FREM1: variants seen among roughly 807,000 people sequenced by gnomAD.
FREM1 encodes the protein FRAS1-related extracellular matrix protein 1.
A neutral mutation model predicts 210.1 loss-of-function variants in FREM1; 220 were observed. The ratio of observed to expected loss-of-function variants is 1.05; its 90% confidence interval spans 0.94 to 1.17. FREM1 has a LOEUF of 1.17. Among genes scored for constraint, FREM1 ranks in the 50% most tolerant of loss-of-function variants. The pLI is 0.00. For missense variants in FREM1, 3,454 were observed against 2,675.5 expected (o/e 1.29, Z -6.42); for synonymous variants, 1,189 against 980.2 (o/e 1.21, Z -3.98).
chr9:14,743,620 G>T (rs896411987), intron 35 of FREM1, among the ~76,000 whole-genome samples: 3 of 152,006 alleles, frequency 2.0e-5, no homozygotes, highest in Admixed American at 1.3e-4. Context: ...CCAGTTACTT[G>T]CATTGGCCTT....
intron 8 of FREM1, among the ~76,000 whole-genome samples, chr9:14,845,252 A>G (rs953888974): frequency 6.6e-6 from 1 of 152,200 alleles, no homozygotes; most frequent in African/African-American, 2.4e-5. Context: ...AACTACTACT[A>G]ATAACATAAC....
intron 27 of FREM1, among the ~76,000 whole-genome samples, chr9:14,763,825 AAGCAC>A (rs1482025181): frequency 1.3e-5 from 2 of 152,326 alleles, no homozygotes; most frequent in East Asian, 3.9e-4. Flanking sequence ...TGCTCCAAGG[AAGCAC>A]AGGTCTTTGG....
chr9:14,905,802 A>C (rs1320255707), intron 1 of FREM1, among the ~76,000 whole-genome samples: 1 of 152,168 alleles, frequency 6.6e-6, no homozygotes, highest in Non-Finnish European at 1.5e-5. Flanking sequence ...GAGGCAGGAG[A>C]ATGGCTTGAA....
intron 22 of FREM1, 24 bp from the exon 23 acceptor site, chr9:14,789,138 G>A: frequency 6.6e-7 from 1 of 1,508,488 alleles, no homozygotes; most frequent in Non-Finnish European, 9.0e-7. Context: ...GAGTTAGTCA[G>A]CTGCTCATGG....
chr9:14,861,995 C>T (rs989069433), intron 3 of FREM1, among the ~76,000 whole-genome samples: 17 of 152,236 alleles, frequency 1.1e-4, no homozygotes, highest in Non-Finnish European at 1.5e-4. Flanking sequence ...CCTTCCCACC[C>T]GCTCCGCGCA....
chr9:14,855,903 C>A (rs961694560), intron 5 of FREM1, among the ~76,000 whole-genome samples: 3 of 151,202 alleles, frequency 2.0e-5, no homozygotes, highest in Non-Finnish European at 3.0e-5. Context: ...TATAATAAAT[C>A]ATTAAAAGTG....
intron 32 of FREM1, 43 bp downstream of exon 32, chr9:14,747,638 T>C: frequency 8.6e-7 from 1 of 1,163,892 alleles, no homozygotes; most frequent in Non-Finnish European, 1.2e-6. Flanking sequence ...AATACTTGCA[T>C]CCATAAATAT....
chr9:14,771,896 A>C (rs1199600538), intron 25 of FREM1, among the ~76,000 whole-genome samples: 2 of 152,048 alleles, frequency 1.3e-5, no homozygotes, highest in East Asian at 3.9e-4. Context: ...GCAGAATAGA[A>C]TTCGAATATA....
chr9:14,787,790 T>C (rs1850644530), intron 23 of FREM1, among the ~76,000 whole-genome samples: 1 of 152,214 alleles, frequency 6.6e-6, no homozygotes, highest in African/African-American at 2.4e-5. Context: ...ATATTACTTG[T>C]ATTACGATTT....
At chr9:14,903,093 T>C (rs952501644) in intron 1 of FREM1, among the ~76,000 whole-genome samples, 2 of 152,250 alleles carry the variant, frequency 1.3e-5, no homozygotes, top group Non-Finnish European at 2.9e-5. Flanking sequence ...CAGCAGCTTT[T>C]TTTGATTGTT....
rs930534320 is a variant in FREM1 at position 14,778,402 on chromosome 9, G to A, written c.4443-2199C>T. On this transcript the variant is annotated intron_variant, in intron 24 of 36. Transcript: ENST00000380880. ...AAGGCGGGCAGATGGCTTGAGTCCAGGAGTTCAATATCAGCCTGGGTAACA... is the reference window on the plus strand; with the variant it reads ...AAGGCGGGCAGATGGCTTGAGTCCAAGAGTTCAATATCAGCCTGGGTAACA... Among the ~76,000 whole-genome samples the A allele has an allele frequency of 5.2e-4, 78 of 151,330 alleles. 1 individual carries two copies. The highest frequency in any genetic ancestry group is 1.4e-3 in the Admixed American group (22 of 15,188).
chr9:14,893,003 CTAA>C (rs528105142), intron 1 of FREM1, among the ~76,000 whole-genome samples: 167 of 152,266 alleles, frequency 1.1e-3, no homozygotes, highest in African/African-American at 3.9e-3. Context: ...AGCAGAGGGG[CTAA>C]TGTCTGTGTT....
intron 22 of FREM1, among the ~76,000 whole-genome samples, chr9:14,792,268 ACACG>A (rs1347286624): frequency 3.8e-5 from 4 of 104,696 alleles, no homozygotes; most frequent in Non-Finnish European, 7.8e-5. Flanking sequence ...ACCCACACAC[ACACG>A]CACACACACA....
chr9:14,812,993 T>G lies in FREM1; in HGVS notation c.2712A>C (p.Gly904=), dbSNP rs778430565. 2.0e-5 allele frequency: 33 copies of G among 1,613,636 alleles called. No homozygotes were observed. Among genetic ancestry groups the G allele is most frequent in the Non-Finnish European group, 2.5e-5 (30 of 1,179,678 alleles). Residue 904 remains glycine, a synonymous_variant, in exon 16 of 37, where the codon GGA becomes GGC. Transcript: ENST00000380880. ...ATTCAGAGGTGATGACCACCTCTCC[T>G]CCCTCTGAGCAATTCATGACAGGCA... ...DLMPVMNCSE[G]GEVVITSEYI...
intron 16 of FREM1, 21 bp downstream of exon 16, chr9:14,812,791 G>A (rs764988697): frequency 2.5e-6 from 4 of 1,582,466 alleles, no homozygotes; most frequent in Non-Finnish European, 3.4e-6. Context: ...TTCCCTCACT[G>A]GTCACCATGC....
At chr9:14,876,866 T>C (rs1435942492) in intron 1 of FREM1, among the ~76,000 whole-genome samples, 1 of 152,180 alleles carries the variant, frequency 6.6e-6, no homozygotes, top group Non-Finnish European at 1.5e-5. Flanking sequence ...CAAGATACAA[T>C]ATTTTTTCCA....
intron 3 of FREM1, among the ~76,000 whole-genome samples, chr9:14,862,626 C>T (rs1830784923): frequency 6.6e-6 from 1 of 152,118 alleles, no homozygotes; most frequent in Admixed American, 6.5e-5. Flanking sequence ...TTTCATCAAC[C>T]CCAAAAGAGA....
Position 14,812,490 on chromosome 9 carries a change from A to G in FREM1, c.2893+322T>C, listed in dbSNP as rs1819578914. Among the ~76,000 whole-genome samples the G allele has an allele frequency of 1.3e-5, 2 of 152,320 alleles. 1 individual carries two copies. The highest frequency in any genetic ancestry group is 4.1e-4 in the South Asian group (2 of 4,824). On this transcript the variant is annotated intron_variant, in intron 16 of 36. Coordinates refer to ENST00000380880, the MANE Select transcript of FREM1 (RefSeq NM_001379081.2). ...GCTTCAGGCATTTCTGTCATGATTT[A>G]TAGACCCACCAACTACGATGATCAA...
intron 4 of FREM1, 136 bp from the exon 5 acceptor site, chr9:14,857,885 C>A: frequency 9.3e-6 from 5 of 534,794 alleles, no homozygotes; most frequent in Non-Finnish European, 1.6e-5. Context: ...CAATCATTCA[C>A]TGAGTGGGTT....
Sources: allele counts gnomAD v4.1 joint callset (sites outside exome capture counted in the v4.1 genomes callset), GRCh38; gene constraint gnomAD v4.1.1; transcripts MANE v1.5; gene names NCBI Gene and HGNC (gene_info 2026-07-23, HGNC 2026-07-21).